The following SLC6A11 variants were observed in gnomAD, a reference collection of about 807,000 sequenced individuals.
The protein encoded by SLC6A11 is sodium- and chloride-dependent GABA transporter 3.
Under a neutral mutation model 74.8 loss-of-function variants are expected in SLC6A11, and 25 were observed. That is an observed-to-expected ratio of 0.33 (90% CI 0.24 to 0.47). The LOEUF is 0.47. Ranked by LOEUF, SLC6A11 falls within the 20% of genes least tolerant of loss-of-function variation. The pLI is 1.00. For missense variants in SLC6A11, 574 were observed against 837.0 expected (o/e 0.69, Z 3.88); for synonymous variants, 330 against 330.2 (o/e 1.00, Z 0.01).
chr3:10,873,386 TATCCTATCCTATGCTATCCTATCC>T (rs1341173873), intron 5 of SLC6A11, among the ~76,000 whole-genome samples: 2,270 of 75,740 alleles, frequency 0.03, 110 homozygotes, highest in Admixed American at 0.051. Flanking sequence ...TTCATTATTG[TATCCTATCCTATGCTATCCTATCC>T]TATCCTATCC....
chr3:10,915,342 T>A lies in SLC6A11; in HGVS notation c.996-2987T>A, dbSNP rs562070573. On this transcript the variant is annotated intron_variant, in intron 7 of 13. Coordinates refer to ENST00000254488, the MANE Select transcript of SLC6A11 (RefSeq NM_014229.3). This position sits in a 1 kb window ranked among gnomAD's most constrained non-coding sequence, Gnocchi z 4.3. ...CCTCCAGCAGGCAGGTTTTATTCCA[T>A]CTCTCCCATCAGCAGAAGAAAGCAA... Among the ~76,000 whole-genome samples, 1 of 152,216 alleles carries A rather than the reference T, an allele frequency of 6.6e-6. No homozygotes were observed. Among genetic ancestry groups the A allele is most frequent in the African/African-American group, 2.4e-5 (1 of 41,526 alleles).
At chr3:10,935,477 C>G in intron 13 of SLC6A11, 1 of 380,600 alleles carries the variant, frequency 2.6e-6, no homozygotes, top group Non-Finnish European at 4.8e-6. Flanking sequence ...TGTGAGAACT[C>G]AGTGAGTTCA....
chr3:10,897,669 T>C (rs923895456), intron 6 of SLC6A11, among the ~76,000 whole-genome samples: 1 of 152,230 alleles, frequency 6.6e-6, no homozygotes, highest in African/African-American at 2.4e-5. Flanking sequence ...CCCTCCTGGC[T>C]GCTTTCATGG....
chr3:10,834,751 C>G (rs942715886), intron 4 of SLC6A11, among the ~76,000 whole-genome samples: 2 of 152,136 alleles, frequency 1.3e-5, no homozygotes, highest in Non-Finnish European at 2.9e-5. Context: ...GAATTGGGAC[C>G]CTGAGCAGGT....
intron 6 of SLC6A11, among the ~76,000 whole-genome samples, chr3:10,911,531 C>T (rs1273761312): frequency 6.6e-6 from 1 of 152,172 alleles, no homozygotes; most frequent in African/African-American, 2.4e-5. Flanking sequence ...TCCTCCCCTC[C>T]CTGCCACCTT....
rs191792812 is a variant in SLC6A11, at chr3:10,897,813, T to C, written c.892-14277T>C. Among the ~76,000 whole-genome samples the C allele has an allele frequency of 4.8e-4, 73 of 152,346 alleles. 1 individual carries two copies. In the East Asian group the frequency reaches 0.011, roughly 23 times the overall value. On this transcript the variant is annotated intron_variant, in intron 6 of 13. Coordinates refer to ENST00000254488, the MANE Select transcript of SLC6A11 (RefSeq NM_014229.3). The stretch of plus-strand genomic sequence containing the variant: ...GTGGTGTCCCAGTAGGGACTCTGTG[T>C]AGGGGTTCTGACCCCACATTTCCTG...
At chr3:10,886,128 T>A (rs1695039584) in intron 6 of SLC6A11, among the ~76,000 whole-genome samples, 2 of 152,250 alleles carry the variant, frequency 1.3e-5, no homozygotes, top group South Asian at 4.1e-4. Context: ...GATTGCAGTC[T>A]AGCCCTGCAC....
chr3:10,881,794 A>G (rs1694984836), intron 6 of SLC6A11, among the ~76,000 whole-genome samples: 1 of 152,166 alleles, frequency 6.6e-6, no homozygotes, highest in African/African-American at 2.4e-5. Flanking sequence ...CACCAGAGCG[A>G]TGAGGAGCCC....
chr3:10,839,050 T>C (rs558490051), intron 4 of SLC6A11, among the ~76,000 whole-genome samples: 1 of 152,220 alleles, frequency 6.6e-6, no homozygotes, highest in African/African-American at 2.4e-5. Flanking sequence ...CTGGATGGCC[T>C]AACACCTCCA....
At chr3:10,861,989 C>T (rs774197596) in intron 5 of SLC6A11, among the ~76,000 whole-genome samples, 4 of 152,146 alleles carry the variant, frequency 2.6e-5, no homozygotes, top group Non-Finnish European at 5.9e-5. Context: ...CAAGGCAGCA[C>T]CTTGCTCTTT....
Position 10,938,957 on chromosome 3 carries a change from C to G in SLC6A11, c.*555C>G, listed in dbSNP as rs1695791995. ...CTCAGGACTCCTGGGCTGCAGGCCC[C>G]CCTCTGCCCTGATCCCATGAAGTGA... On this transcript the variant is annotated 3_prime_UTR_variant, in exon 14 of 14. Transcript: ENST00000254488. 1 of 152,270 alleles carries G rather than the reference C, an allele frequency of 6.6e-6. No homozygotes were observed. The highest frequency in any genetic ancestry group is 2.1e-4 in the South Asian group (1 of 4,830). The allele number at this position is 152,270 out of a possible 1,614,324, so 9.4% of individuals were successfully genotyped here. A position where few individuals can be genotyped will look rare whatever the true frequency, so the allele number is the denominator to read the frequency against.
intron 5 of SLC6A11, among the ~76,000 whole-genome samples, chr3:10,873,073 C>T (rs1694845395): frequency 6.6e-6 from 1 of 152,096 alleles, no homozygotes; most frequent in African/African-American, 2.4e-5. Flanking sequence ...CCTGCAGGGA[C>T]CTCAGTTAAG....
At chr3:10,921,439 T>C (rs1695535796) in intron 8 of SLC6A11, among the ~76,000 whole-genome samples, 1 of 152,212 alleles carries the variant, frequency 6.6e-6, no homozygotes, top group African/African-American at 2.4e-5. Context: ...ACATATAGTC[T>C]TGGTCCAATT....
intron 4 of SLC6A11, among the ~76,000 whole-genome samples, chr3:10,844,008 C>T (rs1351471555): frequency 6.6e-6 from 1 of 152,212 alleles, no homozygotes; most frequent in Admixed American, 6.5e-5. Flanking sequence ...TATCTTTTCC[C>T]CCAGAGAGTG....
chr3:10,911,329 C>T (rs949005088), intron 6 of SLC6A11, among the ~76,000 whole-genome samples: 2 of 152,192 alleles, frequency 1.3e-5, no homozygotes, highest in Admixed American at 1.3e-4. Flanking sequence ...AGGGGCTGGG[C>T]TCAAAGGGAG....
At chr3:10,919,971 C>T (rs895332347) in intron 8 of SLC6A11, among the ~76,000 whole-genome samples, 47 of 152,168 alleles carry the variant, frequency 3.1e-4, no homozygotes, top group Non-Finnish European at 1.3e-4. Context: ...GGCTGGGGCA[C>T]CTAGCCCTTC....
In SLC6A11 at chr3:10,918,179, A is replaced by C; in HGVS notation, c.996-150A>C. ...GCCAGCCACCTAACCTCTCTGAACC[A>C]TGAGTGCTCCATCAGAAAAACAGAG... On this transcript the variant is annotated intron_variant, in intron 7 of 13. Transcript: ENST00000254488. This position sits in a 1 kb window ranked among gnomAD's most constrained non-coding sequence, Gnocchi z 4.5. The C allele has an allele frequency of 1.3e-6, 1 of 788,520 alleles. No individual in the cohort carries two copies. Among genetic ancestry groups the C allele is most frequent in the Non-Finnish European group, 1.9e-6 (1 of 540,292 alleles). 48.8% of individuals were successfully genotyped at this position (788,520 alleles called of 1,614,324 possible).
At chr3:10,898,651 G>A (rs982619849) in intron 6 of SLC6A11, among the ~76,000 whole-genome samples, 7 of 152,168 alleles carry the variant, frequency 4.6e-5, no homozygotes, top group African/African-American at 9.7e-5. Context: ...GTCATTATCC[G>A]CATTTTTGTC....
At chr3:10,931,777 C>T (rs1264817317) in intron 10 of SLC6A11, among the ~76,000 whole-genome samples, 2 of 152,356 alleles carry the variant, frequency 1.3e-5, no homozygotes, top group African/African-American at 4.8e-5. Context: ...ACACCCACCT[C>T]CCTTTTCTCA....
Sources: allele counts gnomAD v4.1 joint callset (sites outside exome capture counted in the v4.1 genomes callset), GRCh38; gene constraint gnomAD v4.1.1; non-coding constraint Gnocchi (gnomAD v3.1); transcripts MANE v1.5; gene names NCBI Gene and HGNC (gene_info 2026-07-23, HGNC 2026-07-21).